The following ZNF143 variants were observed in gnomAD, a reference collection of about 807,000 sequenced individuals.
The protein encoded by ZNF143 is SPH-binding factor.
In ZNF143, 49 loss-of-function variants were observed where a neutral mutation model predicts 74.1. The observed-to-expected ratio is 0.66, with a 90% CI of 0.53 to 0.84. The LOEUF (loss-of-function observed/expected upper bound fraction) is 0.84, where lower values mean the gene tolerates loss of function less well. Ranked by LOEUF, ZNF143 falls within the 40% of genes least tolerant of loss-of-function variation. The pLI is 0.00. For missense variants in ZNF143, 637 were observed against 793.4 expected (o/e 0.80, Z 2.37); for synonymous variants, 304 against 282.8 (o/e 1.07, Z -0.75).
chr11:9,501,569 C>T (rs150729993), intron 11 of ZNF143, among the ~76,000 whole-genome samples: 97 of 152,238 alleles, frequency 6.4e-4, no homozygotes, highest in African/African-American at 1.8e-3. Context: ...ATTATATGGA[C>T]AAGATGCTGT....
intron 7 of ZNF143, among the ~76,000 whole-genome samples, chr11:9,492,177 C>T (rs1018516563): frequency 7.2e-6 from 1 of 138,602 alleles, no homozygotes; most frequent in Non-Finnish European, 1.5e-5. Context: ...GTGGCGTGAT[C>T]TTGGCTCACT....
intron 6 of ZNF143, among the ~76,000 whole-genome samples, chr11:9,478,915 C>G (rs1456253853): frequency 6.6e-6 from 1 of 151,770 alleles, no homozygotes; most frequent in East Asian, 1.9e-4. Flanking sequence ...GGAGTAAAGA[C>G]TTATAGAAGA....
chr11:9,497,895 A>T, intron 10 of ZNF143, 95 bp downstream of exon 10: 1 of 967,102 alleles, frequency 1.0e-6, no homozygotes, highest in East Asian at 3.7e-5. Context: ...CAGTGGTGCA[A>T]TCTTGGCTCA....
At chr11:9,498,953 T>A (rs1848062605) in intron 10 of ZNF143, among the ~76,000 whole-genome samples, 1 of 152,246 alleles carries the variant, frequency 6.6e-6, no homozygotes, top group South Asian at 2.1e-4. Flanking sequence ...TCCATCTCAT[T>A]CATGCACTTT....
chr11:9,472,580 G>T, intron 2 of ZNF143, 97 bp from the exon 3 acceptor site: 5 of 1,038,736 alleles, frequency 4.8e-6, no homozygotes, highest in East Asian at 2.5e-5. Flanking sequence ...TCTGAGTTAA[G>T]CAGTTTACCT....
rs1157281148 is a variant in ZNF143 at position 9,508,809 on chromosome 11, C to T, written c.1338C>T (p.Ile446=). 10 of 1,603,556 alleles carry T rather than the reference C, an allele frequency of 6.2e-6. No homozygotes were observed. Among genetic ancestry groups the T allele is most frequent in the Admixed American group, 5.2e-5 (3 of 58,146 alleles). The stretch of plus-strand genomic sequence containing the variant: ...CAGCCCACAACGACACTGAGCCCAT[C>T]GAGGAGGAGCAGGAAGCCTTCTTTG... The part of the protein sequence containing the change: ...KRTAHNDTEP[I]EEEQEAFFEP... The change falls in exon 12 of 16, where the codon ATC becomes ATT. Residue 446 remains isoleucine (I), a synonymous_variant. Coordinates refer to ENST00000396602, the MANE Select transcript of ZNF143 (RefSeq NM_003442.6).
intron 7 of ZNF143, among the ~76,000 whole-genome samples, chr11:9,486,560 T>C (rs1276844081): frequency 4.4e-5 from 6 of 136,366 alleles, no homozygotes; most frequent in Non-Finnish European, 9.1e-5. Flanking sequence ...TCCAGTTCCT[T>C]TTTCTGTGTG....
At chr11:9,490,294 C>CTTTTTT (rs56672880) in intron 7 of ZNF143, among the ~76,000 whole-genome samples, 5 of 94,040 alleles carry the variant, frequency 5.3e-5, no homozygotes, top group Admixed American at 1.3e-4. Flanking sequence ...TTTTTTTTTG[C>CTTTTTT]TTTTTTTTTT....
intron 1 of ZNF143, among the ~76,000 whole-genome samples, chr11:9,467,041 A>G (rs1234306333): frequency 6.6e-6 from 1 of 151,118 alleles, no homozygotes; most frequent in Non-Finnish European, 1.5e-5. Context: ...CTACAGGTGC[A>G]TGCCACCGCC....
At chr11:9,526,823 G>A (rs1025933058) in intron 15 of ZNF143, among the ~76,000 whole-genome samples, 9 of 152,148 alleles carry the variant, frequency 5.9e-5, no homozygotes, top group East Asian at 5.8e-4. Flanking sequence ...GCTGCCATGC[G>A]CAGCTAATTT....
At chr11:9,484,947 G>A (rs1847408732) in intron 7 of ZNF143, among the ~76,000 whole-genome samples, 3 of 149,940 alleles carry the variant, frequency 2.0e-5, no homozygotes, top group Admixed American at 6.6e-5. Flanking sequence ...ACAGGCGCCC[G>A]CCACCACGCC....
Position 9,486,454 on chromosome 11 carries a change from T to TAA in ZNF143, c.645+6908_645+6909insAA, listed in dbSNP as rs1554964478. Among the ~76,000 whole-genome samples the TAA allele has an allele frequency of 1.7e-3, 123 of 72,124 alleles. 7 individuals are homozygous for TAA. The highest frequency in any genetic ancestry group is 2.7e-3 in the Non-Finnish European group (104 of 37,882). 47.3% of individuals were successfully genotyped at this position (72,124 alleles called of 152,430 possible). ...TTATATATATAATATATTATATATA[T>TAA]TATATATATATAAAAGCCCTGTTTT... On this transcript the variant is annotated intron_variant, in intron 7 of 15. Coordinates refer to ENST00000396602, the MANE Select transcript of ZNF143 (RefSeq NM_003442.6).
In ZNF143 at chr11:9,510,945, G is replaced by T. The variant is rs541909046; in HGVS notation, c.1376-1503G>T. 1.1e-4 allele frequency among the ~76,000 whole-genome samples: 16 copies of T among 152,054 alleles called. 1 individual carries two copies. Among genetic ancestry groups the T allele is most frequent in the Admixed American group, 9.8e-4 (15 of 15,274 alleles). ...TACCTCAGATAATATGCCATACATT[G>T]TCTTTACACAGTGAGGTCATTGTGT... On this transcript the variant is annotated intron_variant, in intron 12 of 15. Coordinates refer to ENST00000396602, the MANE Select transcript of ZNF143 (RefSeq NM_003442.6).
rs775921160 is a variant in ZNF143, at chr11:9,472,704, G to A, written c.140G>A (p.Gly47Asp). The change falls in exon 3 of 16, where the codon GGC (glycine) becomes GAC (aspartate). Residue 47 changes from glycine to aspartate, a missense_variant. By Grantham distance (94) the Gly-to-Asp change is moderately conservative. Coordinates refer to ENST00000396602, the MANE Select transcript of ZNF143 (RefSeq NM_003442.6). ...ADGDNLENME[G>D]VSLQAVTLAD... Reference sequence around the variant, plus strand: ...GGTGACAACTTAGAAAATATGGAAGGCGTAAGCTTGCAAGCAGTAACACTT... The same window carrying A: ...GGTGACAACTTAGAAAATATGGAAGACGTAAGCTTGCAAGCAGTAACACTT... The A allele has an allele frequency of 3.7e-6, 6 of 1,607,636 alleles. No homozygotes were observed. The highest frequency in any genetic ancestry group is 5.1e-6 in the Non-Finnish European group (6 of 1,178,216).
intron 7 of ZNF143, among the ~76,000 whole-genome samples, chr11:9,484,135 A>G (rs1429877893): frequency 6.6e-6 from 1 of 151,542 alleles, no homozygotes; most frequent in East Asian, 1.9e-4. Context: ...TCATGACTTC[A>G]CCATTCTCTA....
chr11:9,513,029 A>T (rs1200832626), intron 13 of ZNF143, among the ~76,000 whole-genome samples: 1 of 152,248 alleles, frequency 6.6e-6, no homozygotes, highest in Non-Finnish European at 1.5e-5. Context: ...AACTAGCCTC[A>T]CAGAGTCGGT....
chr11:9,480,607 C>T lies in ZNF143; in HGVS notation c.645+1061C>T, dbSNP rs554373321. Among the ~76,000 whole-genome samples the T allele has an allele frequency of 1.1e-4, 16 of 152,052 alleles. No homozygotes were observed. In the South Asian group the frequency reaches 1.9e-3, roughly 18 times the overall value. On this transcript the variant is annotated intron_variant, in intron 7 of 15. Coordinates refer to ENST00000396602, the MANE Select transcript of ZNF143 (RefSeq NM_003442.6). Reference sequence around the variant, plus strand: ...TCACTTGTAGAAATATGGTTCTGGCCGGGCGTGGTGGCTCATGCCTGTAAT... The same window carrying T: ...TCACTTGTAGAAATATGGTTCTGGCTGGGCGTGGTGGCTCATGCCTGTAAT...
chr11:9,499,579 C>T (rs778045413), intron 10 of ZNF143, among the ~76,000 whole-genome samples: 13 of 152,134 alleles, frequency 8.5e-5, no homozygotes, highest in African/African-American at 1.2e-4. Context: ...GTAGCATGTG[C>T]CTGTGGTCGC....
chr11:9,502,336 G>A (rs1271980350), intron 11 of ZNF143, among the ~76,000 whole-genome samples: 5 of 145,528 alleles, frequency 3.4e-5, no homozygotes, highest in East Asian at 2.1e-4. Context: ...TGGGCCGGGC[G>A]CGGTGGCTCA....
Sources: allele counts gnomAD v4.1 joint callset (sites outside exome capture counted in the v4.1 genomes callset), GRCh38; gene constraint gnomAD v4.1.1; transcripts MANE v1.5; gene names NCBI Gene and HGNC (gene_info 2026-07-23, HGNC 2026-07-21).